Variants in ACTR3C observed in about 807,000 individuals in gnomAD.
The protein encoded by ACTR3C is actin related protein 3C.
Under a neutral mutation model 26.3 loss-of-function variants are expected in ACTR3C, and 18 were observed. The ratio of observed to expected loss-of-function variants is 0.68; its 90% CI spans 0.47 to 1.01. The LOEUF is 1.01. ACTR3C is among the 50% of genes least tolerant of loss of function. The pLI is 0.00. For synonymous variants in ACTR3C, 55 were observed against 94.5 expected (o/e 0.58, Z 2.42); for missense variants, 184 against 250.7 (o/e 0.73, Z 1.80).
chr7:150,191,863 T>C, the ACTR3C span, among the ~76,000 whole-genome samples: 1 of 152,250 alleles, frequency 6.6e-6, no homozygotes, highest in Admixed American at 6.5e-5. Context: ...CTGTAACTTG[T>C]TTATAGAAAC....
At chr7:149,891,512 C>G in the ACTR3C span, 2 of 295,872 alleles carry the variant, frequency 6.8e-6, no homozygotes, top group African/African-American at 4.5e-5. Flanking sequence ...TTTCCACAAA[C>G]AAAGAATCAC....
chr7:150,256,901 A>C (rs1833258293), intron 6 of ACTR3C, among the ~76,000 whole-genome samples: 2 of 152,246 alleles, frequency 1.3e-5, no homozygotes, highest in Admixed American at 6.5e-5. Context: ...TGGTTCATTT[A>C]ATAAGAATAA....
At chr7:150,122,207 A>G in the ACTR3C span, among the ~76,000 whole-genome samples, 1 of 152,228 alleles carries the variant, frequency 6.6e-6, no homozygotes, top group Non-Finnish European at 1.5e-5. Flanking sequence ...AGCAATTGCA[A>G]CAAAAGCCAA....
At chr7:150,127,163 C>T in the ACTR3C span, among the ~76,000 whole-genome samples, 1 of 101,962 alleles carries the variant, frequency 9.8e-6, no homozygotes, top group Non-Finnish European at 2.5e-5. Flanking sequence ...CACACACACA[C>T]ACACACACAC....
At chr7:150,111,951 C>G in the ACTR3C span, among the ~76,000 whole-genome samples, 7 of 152,020 alleles carry the variant, frequency 4.6e-5, no homozygotes. Flanking sequence ...GCTGACTCCT[C>G]GTTTTTTAAG....
At chr7:150,169,859 C>T in the ACTR3C span, among the ~76,000 whole-genome samples, 1 of 150,766 alleles carries the variant, frequency 6.6e-6, no homozygotes, top group South Asian at 2.1e-4. Context: ...CTTCTCCACA[C>T]TCTCCTTCCT....
chr7:150,093,005 T>C, the ACTR3C span, among the ~76,000 whole-genome samples: 88,191 of 150,996 alleles, frequency 0.58, 26,708 homozygotes, highest in East Asian at 0.82. Flanking sequence ...GTAGGGAGCG[T>C]TGGCTAAAAA....
the ACTR3C span, among the ~76,000 whole-genome samples, chr7:150,015,889 A>C: frequency 1.3e-5 from 2 of 152,214 alleles, no homozygotes; most frequent in African/African-American, 2.4e-5. Flanking sequence ...TTGTTTTAGC[A>C]TCATTATTAA....
chr7:149,967,465 T>C, the ACTR3C span, among the ~76,000 whole-genome samples: 888 of 152,208 alleles, frequency 5.8e-3, 10 homozygotes, highest in African/African-American at 0.019. Flanking sequence ...TGCCACCGTG[T>C]CTGGCCCATG....
the ACTR3C span, among the ~76,000 whole-genome samples, chr7:150,037,940 C>G: frequency 0.011 from 1,416 of 133,896 alleles, 156 homozygotes; most frequent in African/African-American, 0.022. Flanking sequence ...TCCCCCCCTG[C>G]GATGGCGGTG....
intron 6 of ACTR3C, among the ~76,000 whole-genome samples, chr7:150,253,721 C>T (rs1427297932): frequency 6.6e-6 from 1 of 151,838 alleles, no homozygotes; most frequent in East Asian, 1.9e-4. Context: ...TTCTAAATTA[C>T]ATGTTGATCC....
chr7:150,054,741 G>GA, the ACTR3C span, among the ~76,000 whole-genome samples: 1 of 152,152 alleles, frequency 6.6e-6, no homozygotes, highest in African/African-American at 2.4e-5. Flanking sequence ...ATCAATGCAT[G>GA]AAAAAATGGC....
chr7:150,186,924 C>T, the ACTR3C span, among the ~76,000 whole-genome samples: 4 of 151,974 alleles, frequency 2.6e-5, no homozygotes, highest in African/African-American at 4.8e-5. Context: ...GGGAACCATT[C>T]GATTTGTTTT....
At chr7:149,985,391 C>A in the ACTR3C span, among the ~76,000 whole-genome samples, 3 of 152,140 alleles carry the variant, frequency 2.0e-5, no homozygotes, top group Admixed American at 2.0e-4. Context: ...AGTACCCACA[C>A]CGGTGATAGG....
At chr7:150,085,002 T>A in the ACTR3C span, among the ~76,000 whole-genome samples, 1 of 151,542 alleles carries the variant, frequency 6.6e-6, no homozygotes. Context: ...TTAAATGAGG[T>A]GAAAGGGAAA....
chr7:150,039,428 G>GT, the ACTR3C span, among the ~76,000 whole-genome samples: 7 of 17,948 alleles, frequency 3.9e-4, no homozygotes, highest in African/African-American at 1.2e-3. Flanking sequence ...TCCCTGCCTC[G>GT]CGGGGGTGCC....
At chr7:150,192,528 C>T in the ACTR3C span, among the ~76,000 whole-genome samples, 5 of 152,158 alleles carry the variant, frequency 3.3e-5, no homozygotes, top group Non-Finnish European at 5.9e-5. Context: ...TTTTGAACTC[C>T]TGGCCTCAAG....
At chr7:150,270,286 G>A (rs1281348334) in intron 6 of ACTR3C, among the ~76,000 whole-genome samples, 3 of 140,482 alleles carry the variant, frequency 2.1e-5, no homozygotes, top group African/African-American at 8.3e-5. Flanking sequence ...CGCGATTCCA[G>A]AATATCACTT....
the ACTR3C span, among the ~76,000 whole-genome samples, chr7:150,023,128 T>A: frequency 6.9e-6 from 1 of 145,202 alleles, no homozygotes; most frequent in Admixed American, 7.1e-5. Context: ...TCTACATATC[T>A]ATATACATAT....
Sources: allele counts gnomAD v4.1 joint callset (sites outside exome capture counted in the v4.1 genomes callset), GRCh38; gene constraint gnomAD v4.1.1; transcripts MANE v1.5; gene names NCBI Gene and HGNC (gene_info 2026-07-23, HGNC 2026-07-21).